Variants in CSMD3 observed in about 807,000 individuals in gnomAD.
CSMD3 encodes the protein CUB and Sushi multiple domains 3, also known as CUB and sushi domain-containing protein 3.
A neutral mutation model predicts 435.2 loss-of-function variants in CSMD3; 177 were observed. That is an observed-to-expected ratio of 0.41 (90% CI 0.36 to 0.46). The LOEUF is 0.46. CSMD3 is among the 20% of genes least tolerant of loss of function. The pLI is 0.34. For synonymous variants in CSMD3, 1,656 were observed against 1,520.5 expected, an observed-to-expected ratio of 1.09 and a Z score of -2.07; for missense variants, 4,265 against 4,504.6, an observed-to-expected ratio of 0.95 and a Z score of 1.52.
At chr8:112,863,139 C>T (rs2080873041) in intron 10 of CSMD3, among the ~76,000 whole-genome samples, 1 of 151,900 alleles carries the variant, frequency 6.6e-6, no homozygotes, top group Non-Finnish European at 1.5e-5. Flanking sequence ...TACTTTCTTA[C>T]AGACTTTTGT....
intron 45 of CSMD3, among the ~76,000 whole-genome samples, chr8:112,330,030 C>T (rs1407540351): frequency 6.6e-6 from 1 of 152,086 alleles, no homozygotes. Context: ...GTTCTGTGCT[C>T]TAGCTATTAC....
chr8:112,312,774 C>T (rs1006076367), intron 49 of CSMD3, among the ~76,000 whole-genome samples: 13 of 152,102 alleles, frequency 8.5e-5, no homozygotes, highest in African/African-American at 3.1e-4. Flanking sequence ...TCTATTCATA[C>T]ATTTTATATG....
Position 112,656,340 on chromosome 8 carries a change from A to C in CSMD3, c.2818T>G (p.Phe940Val). ...ACATCATAATTCAGTTCAGTCTGAA[A>C]TCTAAGATTAAAAGACACATGTGAA... ...GHSIKITFER[F>V]QTELNYDVLE... The change falls in exon 18 of 71, where the codon TTT becomes GTT. Residue 940 changes from phenylalanine (F) to valine (V), a missense_variant and splice_region_variant. By Grantham distance (50) the Phe-to-Val change is conservative. Around this residue, in one of 3 missense-constraint regions of CSMD3, gnomAD observed 3,255 missense variants for 3,380.2 expected, o/e 0.96. Coordinates refer to ENST00000297405, the MANE Select transcript of CSMD3 (RefSeq NM_198123.2). 1 of 1,609,028 alleles carries C rather than the reference A, an allele frequency of 6.2e-7. No homozygotes were observed. Among genetic ancestry groups the C allele is most frequent in the African/African-American group, 1.3e-5 (1 of 74,952 alleles).
At chr8:112,270,877 A>T (rs1161997318) in intron 59 of CSMD3, among the ~76,000 whole-genome samples, 1 of 152,210 alleles carries the variant, frequency 6.6e-6, no homozygotes, top group Non-Finnish European at 1.5e-5. Context: ...AAAAGTAAAA[A>T]GAAATCCAAA....
Position 113,338,142 on chromosome 8 carries a change from G to A in CSMD3, c.179-23349C>T, listed in dbSNP as rs552719940. Among the ~76,000 whole-genome samples the A allele has an allele frequency of 1.1e-4, 16 of 151,720 alleles. No individual in the cohort carries two copies. The South Asian group carries it at 3.3e-3, about 32-fold the overall frequency. The stretch of plus-strand genomic sequence containing the variant: ...GCCAAGCATTTTAGTAGTCACCCTG[G>A]TAAAAATATATAAACAAAAGAGCAC... On this transcript the variant is annotated intron_variant, in intron 1 of 70. Coordinates refer to ENST00000297405, the MANE Select transcript of CSMD3 (RefSeq NM_198123.2).
At chr8:112,491,727 A>T (rs558277920) in intron 31 of CSMD3, among the ~76,000 whole-genome samples, 3 of 152,284 alleles carry the variant, frequency 2.0e-5, no homozygotes, top group African/African-American at 4.8e-5. Flanking sequence ...CTTTTAATTT[A>T]ATTTTATTTG....
intron 23 of CSMD3, among the ~76,000 whole-genome samples, chr8:112,576,106 G>T (rs1485378537): frequency 6.6e-6 from 1 of 151,952 alleles, no homozygotes; most frequent in Non-Finnish European, 1.5e-5. Context: ...TTTATGTGTG[G>T]ATACATTGTA....
intron 59 of CSMD3, among the ~76,000 whole-genome samples, chr8:112,279,781 G>T (rs1395299049): frequency 1.3e-5 from 2 of 152,038 alleles, no homozygotes; most frequent in Non-Finnish European, 2.9e-5. Context: ...TGAAGTTGTT[G>T]GTTCCTATCA....
At chr8:113,030,770 C>T (rs1190029980) in intron 5 of CSMD3, among the ~76,000 whole-genome samples, 1 of 151,354 alleles carries the variant, frequency 6.6e-6, no homozygotes, top group Non-Finnish European at 1.5e-5. Flanking sequence ...ATATCATACA[C>T]TTGACACAGA....
intron 10 of CSMD3, among the ~76,000 whole-genome samples, chr8:112,914,676 C>G (rs2082524014): frequency 6.6e-6 from 1 of 151,676 alleles, no homozygotes; most frequent in African/African-American, 2.4e-5. Flanking sequence ...TGTATATATT[C>G]TGCCTATGCC....
At chr8:112,715,422 C>T (rs1434030702) in intron 13 of CSMD3, among the ~76,000 whole-genome samples, 1 of 152,086 alleles carries the variant, frequency 6.6e-6, no homozygotes, top group African/African-American at 2.4e-5. Context: ...GAAATCTAGG[C>T]AGTAATTAAC....
intron 59 of CSMD3, among the ~76,000 whole-genome samples, chr8:112,271,172 C>A (rs937258657): frequency 1.3e-5 from 2 of 152,104 alleles, no homozygotes; most frequent in African/African-American, 2.4e-5. Flanking sequence ...GTGAAACCTG[C>A]AGACTTATTT....
intron 5 of CSMD3, among the ~76,000 whole-genome samples, chr8:113,082,671 A>T (rs2089611063): frequency 6.6e-6 from 1 of 152,164 alleles, no homozygotes; most frequent in African/African-American, 2.4e-5. Context: ...AAGGAAACTC[A>T]GTGAGAAGCA....
In CSMD3 at chr8:112,831,561, T is replaced by C. The variant is rs544023667; in HGVS notation, c.1756-1772A>G. On this transcript the variant is annotated intron_variant, in intron 11 of 70. Transcript: ENST00000297405. Reference sequence around the variant, plus strand: ...CACTCTAGTAGATGTAAAAGTGTTTTTTTTTTTTTCGCATTTTCCTTAATA... The same window carrying C: ...CACTCTAGTAGATGTAAAAGTGTTTCTTTTTTTTTCGCATTTTCCTTAATA... Among the ~76,000 whole-genome samples the C allele has an allele frequency of 5.9e-5, 9 of 151,772 alleles. 1 individual carries two copies. The South Asian group carries it at 1.9e-3, about 32-fold the overall frequency.
chr8:112,390,830 C>A (rs754579815), intron 35 of CSMD3, 42 bp from the exon 36 acceptor site: 2 of 1,588,378 alleles, frequency 1.3e-6, no homozygotes, highest in Non-Finnish European at 1.7e-6. Context: ...AATTCTAATG[C>A]AAAGGATTAA....
rs575729049 is a variant in CSMD3, at chr8:113,295,580, G to GT, written c.402-16877dup. On this transcript the variant is annotated intron_variant, in intron 2 of 70. Transcript: ENST00000297405. ...GCCGATTTAGTGGATTGGAAAATAT[G>GT]TGAGTTTAAAATAGAATAGTAGAAA... is the stretch of plus-strand genomic sequence containing the variant. Among the ~76,000 whole-genome samples the GT allele has an allele frequency of 2.4e-4, 37 of 152,294 alleles. No individual in the cohort carries two copies. The South Asian group carries it at 7.7e-3, about 32-fold the overall frequency.
chr8:113,108,676 C>T (rs2090553288), intron 4 of CSMD3, among the ~76,000 whole-genome samples: 1 of 151,986 alleles, frequency 6.6e-6, no homozygotes, highest in South Asian at 2.1e-4. Flanking sequence ...TATACAAAAA[C>T]ATATCAGAGA....
intron 10 of CSMD3, among the ~76,000 whole-genome samples, chr8:112,917,468 T>C (rs570474919): frequency 1.3e-5 from 2 of 151,918 alleles, no homozygotes; most frequent in East Asian, 3.9e-4. Flanking sequence ...CAATTCTGTT[T>C]ATTATTGAGA....
chr8:112,610,063 T>C (rs1264562527), intron 22 of CSMD3, among the ~76,000 whole-genome samples: 1 of 152,030 alleles, frequency 6.6e-6, no homozygotes, highest in Non-Finnish European at 1.5e-5. Context: ...AATTTACAGC[T>C]GTAAGATGAA....
Sources: allele counts gnomAD v4.1 joint callset (sites outside exome capture counted in the v4.1 genomes callset), GRCh38; gene constraint gnomAD v4.1.1; regional missense constraint gnomAD v4.1.1; transcripts MANE v1.5; gene names NCBI Gene and HGNC (gene_info 2026-07-23, HGNC 2026-07-21).